The following NELL1 variants were observed in gnomAD, a reference collection of about 807,000 sequenced individuals.
NELL1 encodes neural EGFL like 1.
A neutral mutation model predicts 107.4 loss-of-function variants in NELL1; 76 were observed. The ratio of observed to expected loss-of-function variants is 0.71; its 90% CI spans 0.59 to 0.86. The LOEUF (loss-of-function observed/expected upper bound fraction) is 0.86, where lower values mean the gene tolerates loss of function less well. NELL1 is among the 40% of genes least tolerant of loss of function. NELL1 has a pLI of 0.00. For missense variants in NELL1, 1,024 were observed against 1,005.5 expected (o/e 1.02, Z -0.25); for synonymous variants, 353 against 341.2 (o/e 1.03, Z -0.38).
At chr11:20,854,757 C>A (rs1218427329) in intron 4 of NELL1, among the ~76,000 whole-genome samples, 2 of 152,134 alleles carry the variant, frequency 1.3e-5, no homozygotes, top group Non-Finnish European at 2.9e-5. Context: ...GCCTTGGTAG[C>A]TCGGTGACCT....
intron 3 of NELL1, among the ~76,000 whole-genome samples, chr11:20,800,414 A>G (rs1368723862): frequency 6.6e-6 from 1 of 152,090 alleles, no homozygotes; most frequent in Non-Finnish European, 1.5e-5. Flanking sequence ...ATGGTATTTC[A>G]TTGTGGTTTT....
intron 12 of NELL1, among the ~76,000 whole-genome samples, chr11:21,035,385 C>T (rs1853063408): frequency 6.6e-6 from 1 of 151,540 alleles, no homozygotes; most frequent in African/African-American, 2.4e-5. Context: ...AGGCCAGCAT[C>T]ATCCTAATAC....
At chr11:20,694,018 C>T (rs554684935) in intron 2 of NELL1, among the ~76,000 whole-genome samples, 15 of 152,174 alleles carry the variant, frequency 9.9e-5, no homozygotes, top group Middle Eastern at 3.4e-3. Flanking sequence ...CTTCCCTTCT[C>T]GCTTCATTTC....
chr11:21,051,478 A>G (rs1853491718), intron 12 of NELL1, among the ~76,000 whole-genome samples: 2 of 152,134 alleles, frequency 1.3e-5, no homozygotes, highest in African/African-American at 2.4e-5. Context: ...AGAAGCTACC[A>G]CTAAAGGACT....
chr11:20,876,208 T>C (rs1404304967), intron 4 of NELL1, among the ~76,000 whole-genome samples: 1 of 152,238 alleles, frequency 6.6e-6, no homozygotes, highest in Non-Finnish European at 1.5e-5. Flanking sequence ...AATTCAATCC[T>C]TACCTGTTGG....
chr11:21,336,709 T>C (rs1850410671), intron 14 of NELL1, among the ~76,000 whole-genome samples: 1 of 135,546 alleles, frequency 7.4e-6, no homozygotes, highest in Non-Finnish European at 1.6e-5. Context: ...GAAATCAGAA[T>C]GAAATGCTTT....
chr11:21,460,603 T>C (rs1853876482), intron 15 of NELL1, among the ~76,000 whole-genome samples: 1 of 152,092 alleles, frequency 6.6e-6, no homozygotes, highest in African/African-American at 2.4e-5. Flanking sequence ...TCCTTATAAA[T>C]GCGAGAGCAT....
chr11:21,186,388 T>C (rs1856936233), intron 13 of NELL1, among the ~76,000 whole-genome samples: 1 of 151,918 alleles, frequency 6.6e-6, no homozygotes, highest in South Asian at 2.1e-4. Context: ...TGTGTGTTCA[T>C]ATTCTCTCTA....
chr11:20,769,092 TGAG>T (rs1342694342), intron 2 of NELL1: 1 of 151,626 alleles, frequency 6.6e-6, no homozygotes, highest in Non-Finnish European at 1.5e-5. Flanking sequence ...AAAGGGGAAA[TGAG>T]GAGAGGGGAC....
intron 12 of NELL1, among the ~76,000 whole-genome samples, chr11:20,984,839 A>T (rs540909515): frequency 3.3e-5 from 5 of 152,288 alleles, no homozygotes; most frequent in Admixed American, 6.5e-5. Flanking sequence ...TTTGGTCGCT[A>T]AGACTAGATG....
chr11:21,098,677 T>C (rs1854716141), intron 12 of NELL1, among the ~76,000 whole-genome samples: 1 of 152,232 alleles, frequency 6.6e-6, no homozygotes, highest in Middle Eastern at 3.4e-3. Context: ...GGGTCACAGG[T>C]GTGTGAGGAA....
chr11:20,700,474 A>G (rs1269295044), intron 2 of NELL1, among the ~76,000 whole-genome samples: 1 of 150,054 alleles, frequency 6.7e-6, no homozygotes, highest in Non-Finnish European at 1.5e-5. Flanking sequence ...GTGAGACTCC[A>G]TCTCAAAAAA....
At chr11:21,107,684 G>A (rs942425368) in intron 12 of NELL1, among the ~76,000 whole-genome samples, 2 of 152,154 alleles carry the variant, frequency 1.3e-5, no homozygotes, top group African/African-American at 4.8e-5. Context: ...CTTGCAAAAA[G>A]AGGGGGTGGC....
intron 2 of NELL1, among the ~76,000 whole-genome samples, chr11:20,715,530 C>G (rs1855229346): frequency 6.6e-6 from 1 of 152,136 alleles, no homozygotes; most frequent in African/African-American, 2.4e-5. Context: ...TAGACTCACT[C>G]CACCTTATGC....
intron 12 of NELL1, among the ~76,000 whole-genome samples, chr11:20,995,497 G>A (rs894890098): frequency 7.9e-5 from 12 of 152,106 alleles, no homozygotes; most frequent in Middle Eastern, 6.8e-3. Flanking sequence ...AGAATTGCTT[G>A]ACCCCAGGAA....
chr11:20,741,620 T>C (rs1393700964), intron 2 of NELL1, among the ~76,000 whole-genome samples: 4 of 152,168 alleles, frequency 2.6e-5, no homozygotes, highest in African/African-American at 7.2e-5. Context: ...TTTCAGAGAT[T>C]AGAGCTTCCT....
chr11:21,344,076 G>A (rs937997526), intron 14 of NELL1, among the ~76,000 whole-genome samples: 15 of 152,126 alleles, frequency 9.9e-5, no homozygotes, highest in Admixed American at 3.3e-4. Context: ...AAATTACCAG[G>A]TCACATTCTA....
chr11:21,329,620 C>T (rs1269695896), intron 14 of NELL1, among the ~76,000 whole-genome samples: 3 of 152,158 alleles, frequency 2.0e-5, no homozygotes, highest in African/African-American at 7.2e-5. Context: ...TCTTTTTAAA[C>T]CCACTTTTTA....
intron 3 of NELL1, among the ~76,000 whole-genome samples, chr11:20,793,569 T>C (rs544301230): frequency 6.6e-6 from 1 of 152,280 alleles, no homozygotes; most frequent in African/African-American, 2.4e-5. Flanking sequence ...TTTAGTTCAT[T>C]TGTCTTCAGT....
Sources: gnomAD v4.1 joint callset for allele counts (sites outside exome capture counted in the v4.1 genomes callset) on GRCh38, gnomAD v4.1.1 for gene constraint, MANE v1.5 for transcripts, NCBI Gene and HGNC (gene_info 2026-07-23, HGNC 2026-07-21) for gene names.